Variants in FAM227A observed in about 807,000 individuals in gnomAD.
FAM227A encodes the protein protein FAM227A.
In FAM227A, 80 loss-of-function variants were observed where a neutral mutation model predicts 74.7. The observed-to-expected ratio is 1.07, with a 90% CI of 0.89 to 1.29. The LOEUF (loss-of-function observed/expected upper bound fraction) is 1.29, where lower values mean the gene tolerates loss of function less well. Among genes scored for constraint, FAM227A ranks in the 50% most tolerant of loss-of-function variants. The pLI is 0.00. For synonymous variants in FAM227A, 237 were observed against 241.8 expected (o/e 0.98, Z 0.19); for missense variants, 654 against 683.4 (o/e 0.96, Z 0.48).
Position 38,599,885 on chromosome 22 carries a change from T to G in FAM227A, c.1258A>C (p.Asn420His). The change falls in exon 14 of 17, where the codon AAC becomes CAC. Residue 420 changes from asparagine to histidine, a missense_variant. Asn to His is a moderately conservative substitution (Grantham distance 68). Coordinates refer to ENST00000535113, the MANE Select transcript of FAM227A (RefSeq NM_001013647.2). ...AACKSPELTSNLFNIYGKSPL... is the reference protein window; with the variant it reads ...AACKSPELTSHLFNIYGKSPL... ...CTCTTCCCATAAATGTTGAAGAGGT[T>G]TGAAGTCAGCTCAGGGCTTTTGCAG... 3 of 1,551,318 alleles carry G rather than the reference T, an allele frequency of 1.9e-6. No individual in the cohort carries two copies. The highest frequency in any genetic ancestry group is 2.6e-6 in the Non-Finnish European group (3 of 1,146,830).
chr22:38,595,199 C>T (rs936783727), intron 15 of FAM227A, among the ~76,000 whole-genome samples: 1 of 152,174 alleles, frequency 6.6e-6, no homozygotes, highest in African/African-American at 2.4e-5. Flanking sequence ...TTATGGGAGA[C>T]ATGGATAGCT....
At chr22:38,624,375 G>A (rs1359881081) in intron 9 of FAM227A, among the ~76,000 whole-genome samples, 1 of 150,970 alleles carries the variant, frequency 6.6e-6, no homozygotes, top group Non-Finnish European at 1.5e-5. Context: ...GGCAATAAGA[G>A]CAAAACTCCA....
At chr22:38,645,410 TATTA>T (rs1415597167) in intron 3 of FAM227A, among the ~76,000 whole-genome samples, 149 bp downstream of exon 3, 2 of 152,138 alleles carry the variant, frequency 1.3e-5, no homozygotes, top group Admixed American at 6.6e-5. Context: ...AAAAAATGTT[TATTA>T]ATTTTTAAAA....
At chr22:38,626,886 A>AT (rs1411658749) in intron 8 of FAM227A, among the ~76,000 whole-genome samples, 89 of 109,184 alleles carry the variant, frequency 8.2e-4, no homozygotes, top group Non-Finnish European at 1.4e-3. Context: ...AAAAAAAAAA[A>AT]AAAAAATATA....
chr22:38,586,120 G>A lies in FAM227A; in HGVS notation c.*5C>T. The A allele has an allele frequency of 1.3e-6, 2 of 1,552,008 alleles. No homozygotes were observed. Among genetic ancestry groups the A allele is most frequent in the Non-Finnish European group, 1.7e-6 (2 of 1,147,048 alleles). ...GCGCTTCCTGGTTCTAGGTTGTGGA[G>A]CTCCTCAGGGCTTGGAAGTGAGTGG... On this transcript the variant is annotated 3_prime_UTR_variant, in exon 17 of 17. Transcript: ENST00000535113.
At chr22:38,637,007 A>C (rs963350158) in intron 5 of FAM227A, among the ~76,000 whole-genome samples, 7 of 152,118 alleles carry the variant, frequency 4.6e-5, no homozygotes, top group African/African-American at 1.7e-4. Context: ...TGAACTCTTG[A>C]CATCAGGTGA....
chr22:38,644,085 G>T (rs979316493), intron 3 of FAM227A, among the ~76,000 whole-genome samples: 1 of 146,462 alleles, frequency 6.8e-6, no homozygotes, highest in African/African-American at 2.6e-5. Flanking sequence ...GGCAGAGCTT[G>T]CAGTGAGCCG....
intron 6 of FAM227A, among the ~76,000 whole-genome samples, chr22:38,636,034 A>G (rs1191831338): frequency 6.7e-6 from 1 of 149,228 alleles, no homozygotes; most frequent in Admixed American, 6.7e-5. Flanking sequence ...AGAAGAGAGA[A>G]AGAGAAAGAG....
intron 9 of FAM227A, among the ~76,000 whole-genome samples, chr22:38,625,364 G>A (rs566877537): frequency 6.6e-6 from 1 of 150,854 alleles, no homozygotes; most frequent in Non-Finnish European, 1.5e-5. Context: ...ACTCCAGCCT[G>A]GACGACAGAG....
Position 38,640,496 on chromosome 22 carries a change from T to A in FAM227A, c.226-772A>T, listed in dbSNP as rs575035615. Among the ~76,000 whole-genome samples, 5 of 152,062 alleles carry A rather than the reference T, an allele frequency of 3.3e-5. No individual in the cohort carries two copies. In the South Asian group the frequency reaches 1.0e-3, roughly 32 times the overall value. On this transcript the variant is annotated intron_variant, in intron 3 of 16. Coordinates refer to ENST00000535113, the MANE Select transcript of FAM227A (RefSeq NM_001013647.2). ...GATCTCTGACTCTTCCCCACCCCCA[T>A]CCTCCTACGCCCCTGAAAAGGAAGA...
chr22:38,628,828 A>G lies in FAM227A; in HGVS notation c.621+6T>C. ...AAGGCAGAGAAACAAGCAGATTTGT[A>G]TTTACCTGGTACCTCTCATGAAATA... On this transcript the variant is annotated splice_donor_region_variant and intron_variant, in intron 7 of 16. Coordinates refer to ENST00000535113, the MANE Select transcript of FAM227A (RefSeq NM_001013647.2). The G allele has an allele frequency of 6.8e-7, 1 of 1,464,902 alleles. No homozygotes were observed. Among genetic ancestry groups the G allele is most frequent in the South Asian group, 1.2e-5 (1 of 80,150 alleles). The allele number at this position is 1,464,902 out of a possible 1,614,324, so 90.7% of individuals were successfully genotyped here.
At chr22:38,606,502 G>A (rs1024784532) in intron 12 of FAM227A, among the ~76,000 whole-genome samples, 2 of 152,082 alleles carry the variant, frequency 1.3e-5, no homozygotes, top group African/African-American at 2.4e-5. Flanking sequence ...TGTCTTTCCT[G>A]CTGAGAAACT....
chr22:38,646,654 A>AT (rs1339062540), intron 2 of FAM227A, among the ~76,000 whole-genome samples: 7 of 150,282 alleles, frequency 4.7e-5, no homozygotes, highest in African/African-American at 1.5e-4. Flanking sequence ...CATTATTATT[A>AT]TTATTTTTTT....
In FAM227A at chr22:38,579,036, A is replaced by G. The variant is rs778210018; in HGVS notation, c.*7089T>C. The G allele has an allele frequency of 6.6e-6, 1 of 152,234 alleles. No individual in the cohort carries two copies. Among genetic ancestry groups the G allele is most frequent in the Non-Finnish European group, 1.5e-5 (1 of 68,062 alleles). 9.4% of individuals were successfully genotyped at this position (152,234 alleles called of 1,614,324 possible). A position where few individuals can be genotyped will look rare whatever the true frequency, so the allele number is the denominator to read the frequency against. On this transcript the variant is annotated 3_prime_UTR_variant, in exon 17 of 17. Transcript: ENST00000535113. The stretch of plus-strand genomic sequence containing the variant: ...ATGGAACTGGGGCACCAGGAGGTTA[A>G]GTAACTTGCCTGAGGCTCACAGTCT...
At chr22:38,640,267 T>A (rs2092087127) in intron 3 of FAM227A, among the ~76,000 whole-genome samples, 1 of 152,120 alleles carries the variant, frequency 6.6e-6, no homozygotes, top group South Asian at 2.1e-4. Flanking sequence ...TCTCCTGACC[T>A]CCTCATCTGC....
chr22:38,618,151 T>C (rs2091616311), intron 11 of FAM227A, among the ~76,000 whole-genome samples: 1 of 152,166 alleles, frequency 6.6e-6, no homozygotes, highest in Admixed American at 6.5e-5. Flanking sequence ...ATAGGCCACT[T>C]TGCATAGGAA....
chr22:38,610,976 T>C (rs919175901), intron 11 of FAM227A, among the ~76,000 whole-genome samples: 13 of 151,736 alleles, frequency 8.6e-5, no homozygotes, highest in African/African-American at 3.1e-4. Context: ...AGGAGAATCA[T>C]TGGAACCCGG....
rs762588895 is a variant in FAM227A at position 38,623,224 on chromosome 22, T to C, written c.906A>G (p.Pro302=). 28 of 1,551,728 alleles carry C rather than the reference T, an allele frequency of 1.8e-5. No homozygotes were observed. Among genetic ancestry groups the C allele is most frequent in the Non-Finnish European group, 2.4e-5 (28 of 1,146,970 alleles). ...YDSWDYSELD[P]ERFRREELML... ...TTAATTCTTCTCTGCGGAATCGCTC[T>C]GGGTCTAGTTCCGAGTAGTCCCAGC... Residue 302 remains proline (P), a synonymous_variant, in exon 10 of 17, where the codon CCA becomes CCG. Coordinates refer to ENST00000535113, the MANE Select transcript of FAM227A (RefSeq NM_001013647.2).
chr22:38,642,797 G>A (rs967888076), intron 3 of FAM227A, among the ~76,000 whole-genome samples: 3 of 151,670 alleles, frequency 2.0e-5, no homozygotes, highest in Admixed American at 6.6e-5. Flanking sequence ...TTAATTGGGC[G>A]TGGTGCCACA....
Sources: gnomAD v4.1 joint callset for allele counts (sites outside exome capture counted in the v4.1 genomes callset) on GRCh38, gnomAD v4.1.1 for gene constraint, MANE v1.5 for transcripts, NCBI Gene and HGNC (gene_info 2026-07-23, HGNC 2026-07-21) for gene names.